The following NTM variants were observed in gnomAD, a reference collection of about 807,000 sequenced individuals.
NTM encodes the protein IgLON family member 2.
A neutral mutation model predicts 42.1 loss-of-function variants in NTM; 13 were observed. That is an observed-to-expected ratio of 0.31 (90% CI 0.20 to 0.49). NTM has a LOEUF of 0.49. NTM is among the 20% of genes least tolerant of loss of function. The pLI is 0.99. For missense variants in NTM, 373 were observed against 452.8 expected, an observed-to-expected ratio of 0.82 and a Z score of 1.60; for synonymous variants, 187 against 179.2, an observed-to-expected ratio of 1.04 and a Z score of -0.35.
At chr11:131,467,973 A>T (rs540530603) in intron 1 of NTM, among the ~76,000 whole-genome samples, 1 of 152,326 alleles carries the variant, frequency 6.6e-6, no homozygotes, top group Non-Finnish European at 1.5e-5. Context: ...ATTCTAACAC[A>T]TCGTGGGCAT....
At chr11:132,153,512 C>G (rs561666575) in intron 3 of NTM, among the ~76,000 whole-genome samples, 8 of 152,202 alleles carry the variant, frequency 5.3e-5, no homozygotes, top group African/African-American at 1.7e-4. Flanking sequence ...AGAAGGTCAC[C>G]CATACAGAGT....
At chr11:132,099,915 C>A (rs769911365) in intron 2 of NTM, among the ~76,000 whole-genome samples, 3 of 152,084 alleles carry the variant, frequency 2.0e-5, no homozygotes, top group Non-Finnish European at 2.9e-5. Context: ...ACCTTAACAC[C>A]CTGTGCTCTA....
intron 1 of NTM, among the ~76,000 whole-genome samples, chr11:131,479,992 G>T (rs960003922): frequency 6.6e-6 from 1 of 152,054 alleles, no homozygotes. Flanking sequence ...CCTTTGGCCT[G>T]TGGCTCTGCT....
At chr11:131,729,139 T>C (rs1565475640) in intron 1 of NTM, among the ~76,000 whole-genome samples, 1 of 152,158 alleles carries the variant, frequency 6.6e-6, no homozygotes, top group Non-Finnish European at 1.5e-5. Context: ...AACTTCTCTG[T>C]CCTGAGTTTT....
chr11:131,583,304 C>G (rs1294504203), intron 1 of NTM, among the ~76,000 whole-genome samples: 3 of 152,170 alleles, frequency 2.0e-5, no homozygotes, highest in Admixed American at 1.3e-4. Context: ...CCTTCCCCAT[C>G]CACCTCCCCA....
chr11:131,593,242 T>A (rs1164569121), intron 1 of NTM, among the ~76,000 whole-genome samples: 1 of 152,208 alleles, frequency 6.6e-6, no homozygotes, highest in Admixed American at 6.5e-5. Flanking sequence ...CTCTAATTGC[T>A]AGGTCTCCTC....
chr11:132,275,216 T>G (rs376886017), intron 4 of NTM, among the ~76,000 whole-genome samples: 1 of 152,124 alleles, frequency 6.6e-6, no homozygotes, highest in Admixed American at 6.5e-5. Context: ...TTTTATATGA[T>G]GTAAGGAAGG....
At chr11:131,556,256 T>G (rs2055396383) in intron 1 of NTM, among the ~76,000 whole-genome samples, 1 of 152,124 alleles carries the variant, frequency 6.6e-6, no homozygotes, top group African/African-American at 2.4e-5. Context: ...TAACTGGAAG[T>G]TACAACTACC....
chr11:132,165,771 A>G (rs1004368034), intron 3 of NTM, among the ~76,000 whole-genome samples: 43 of 152,208 alleles, frequency 2.8e-4, no homozygotes, highest in African/African-American at 1.0e-3. Flanking sequence ...TCTCAAAAGC[A>G]TCCCTCTGCT....
intron 2 of NTM, among the ~76,000 whole-genome samples, chr11:132,113,645 C>T (rs1195876262): frequency 6.6e-6 from 1 of 152,182 alleles, no homozygotes; most frequent in Non-Finnish European, 1.5e-5. Context: ...GTGCTCAGTG[C>T]CAGGCAGTTA....
chr11:132,140,745 G>A (rs2068927467), intron 2 of NTM, among the ~76,000 whole-genome samples: 2 of 152,206 alleles, frequency 1.3e-5, no homozygotes, highest in African/African-American at 4.8e-5. Flanking sequence ...AGATGTGGAA[G>A]ATGTACACGC....
intron 2 of NTM, among the ~76,000 whole-genome samples, chr11:132,019,525 T>A (rs1187175544): frequency 1.3e-5 from 2 of 152,054 alleles, no homozygotes; most frequent in Non-Finnish European, 2.9e-5. Context: ...AAGTATTACA[T>A]CCTCCTGATA....
intron 4 of NTM, among the ~76,000 whole-genome samples, chr11:132,251,856 A>G (rs548692876): frequency 2.6e-5 from 4 of 152,354 alleles, no homozygotes; most frequent in Middle Eastern, 3.4e-3. Context: ...CCAAAGGGCA[A>G]ATGTAGGGCC....
Position 132,212,053 on chromosome 11 carries a change from T to G in NTM, c.432T>G (p.Asp144Glu). The G allele has an allele frequency of 6.2e-7, 1 of 1,609,592 alleles. No individual in the cohort carries two copies. Among genetic ancestry groups the G allele is most frequent in the South Asian group, 1.1e-5 (1 of 90,640 alleles). The change falls in exon 4 of 9, where the codon GAT (aspartate) becomes GAG (glutamate). Residue 144 changes from aspartate (D) to glutamate (E), a missense_variant. Physicochemically the swap from Asp to Glu is conservative, Grantham distance 45. Coordinates refer to ENST00000683400, the MANE Select transcript of NTM (RefSeq NM_001352005.2). ...CCAAAATTGTAGAGATTTCTTCAGATATCTCCATTAATGAAGGGAACAATA... is the reference window on the plus strand; with the variant it reads ...CCAAAATTGTAGAGATTTCTTCAGAGATCTCCATTAATGAAGGGAACAATA... ...VSPKIVEISS[D>E]ISINEGNNIS...
intron 2 of NTM, among the ~76,000 whole-genome samples, chr11:132,082,433 G>A (rs193155292): frequency 5.8e-4 from 89 of 152,234 alleles, no homozygotes; most frequent in African/African-American, 1.8e-3. Flanking sequence ...CCATTCCCCC[G>A]GTATGCATGC....
chr11:131,458,546 C>T (rs943715773), intron 1 of NTM, among the ~76,000 whole-genome samples: 1 of 152,182 alleles, frequency 6.6e-6, no homozygotes, highest in Non-Finnish European at 1.5e-5. Flanking sequence ...TTTCTTTCTC[C>T]TTCTAACACC....
intron 1 of NTM, among the ~76,000 whole-genome samples, chr11:131,469,532 G>A (rs779216941): frequency 6.6e-5 from 10 of 152,174 alleles, no homozygotes; most frequent in Non-Finnish European, 1.5e-4. Context: ...CTGCAGATCA[G>A]GAGACCTGGA....
intron 1 of NTM, among the ~76,000 whole-genome samples, chr11:131,395,550 T>C (rs1477802768): frequency 6.6e-6 from 1 of 152,198 alleles, no homozygotes; most frequent in East Asian, 1.9e-4. Flanking sequence ...TGTGGCTATT[T>C]ATAATTAATG....
rs144546065 is a variant in NTM at position 131,504,801 on chromosome 11, G to A, written c.82+133913G>A. Among the ~76,000 whole-genome samples, 56 of 152,060 alleles carry A rather than the reference G, an allele frequency of 3.7e-4. No individual in the cohort carries two copies. The East Asian group carries it at 7.6e-3, about 21-fold the overall frequency. On this transcript the variant is annotated intron_variant, in intron 1 of 8. Transcript: ENST00000683400. ...TTCCCGCACTGTGCATCCATCAGCC[G>A]TCCACCCCCTCCACTCCTCCTGCAT...
Sources: gnomAD v4.1 joint callset for allele counts (sites outside exome capture counted in the v4.1 genomes callset) on GRCh38, gnomAD v4.1.1 for gene constraint, MANE v1.5 for transcripts, NCBI Gene and HGNC (gene_info 2026-07-23, HGNC 2026-07-21) for gene names.